The following LRRTM4 variants were observed in gnomAD, a reference collection of about 807,000 sequenced individuals.
LRRTM4 encodes the protein leucine rich repeat transmembrane neuronal 4, also known as leucine-rich repeat transmembrane neuronal protein 4.
A neutral mutation model predicts 47.6 loss-of-function variants in LRRTM4; 25 were observed. That is an observed-to-expected ratio of 0.53 (90% CI 0.38 to 0.73). The LOEUF (loss-of-function observed/expected upper bound fraction) is 0.73, where lower values mean the gene tolerates loss of function less well. Among genes scored for constraint, LRRTM4 ranks in the 30% least tolerant of loss-of-function variants. LRRTM4 has a pLI of 0.00. For synonymous variants in LRRTM4, 311 were observed against 269.5 expected, an observed-to-expected ratio of 1.15 and a Z score of -1.51; for missense variants, 638 against 713.4, an observed-to-expected ratio of 0.89 and a Z score of 1.20.
chr2:76,750,290 A>G (rs1413365374), intron 3 of LRRTM4, among the ~76,000 whole-genome samples: 1 of 152,316 alleles, frequency 6.6e-6, no homozygotes, highest in East Asian at 1.9e-4. Context: ...CTAGCACCAG[A>G]GAGATTTGAG....
chr2:77,452,973 T>A (rs1324017037), intron 3 of LRRTM4, among the ~76,000 whole-genome samples: 2 of 152,082 alleles, frequency 1.3e-5, no homozygotes, highest in African/African-American at 4.8e-5. Flanking sequence ...TGACCTTATA[T>A]ATAAACTTAT....
intron 3 of LRRTM4, among the ~76,000 whole-genome samples, chr2:77,161,562 CT>C (rs1245409633): frequency 6.6e-6 from 1 of 152,062 alleles, no homozygotes; most frequent in Non-Finnish European, 1.5e-5. Flanking sequence ...GCTTTTCTTC[CT>C]TAATAATAAA....
chr2:77,163,087 T>C (rs1000484292), intron 3 of LRRTM4, among the ~76,000 whole-genome samples: 2 of 152,080 alleles, frequency 1.3e-5, no homozygotes, highest in African/African-American at 4.8e-5. Context: ...TGAAAAAAGA[T>C]TAGACAAATG....
intron 3 of LRRTM4, among the ~76,000 whole-genome samples, chr2:77,331,161 T>C (rs962511777): frequency 2.6e-5 from 4 of 152,184 alleles, no homozygotes; most frequent in Non-Finnish European, 5.9e-5. Context: ...TTGTTTCTTC[T>C]TATTCTATTT....
intron 3 of LRRTM4, among the ~76,000 whole-genome samples, chr2:77,121,235 T>C (rs1671513672): frequency 6.6e-6 from 1 of 151,738 alleles, no homozygotes; most frequent in South Asian, 2.1e-4. Flanking sequence ...AGAGTAAATA[T>C]CTGGATTTGA....
chr2:77,175,416 C>T (rs1170727466), intron 3 of LRRTM4, among the ~76,000 whole-genome samples: 3 of 152,106 alleles, frequency 2.0e-5, no homozygotes, highest in Non-Finnish European at 4.4e-5. Context: ...GGCATAAAAT[C>T]CCTCTTGGCT....
At chr2:77,010,648 C>T (rs1027283168) in intron 3 of LRRTM4, among the ~76,000 whole-genome samples, 1 of 151,970 alleles carries the variant, frequency 6.6e-6, no homozygotes, top group African/African-American at 2.4e-5. Flanking sequence ...ATCTCTTTGA[C>T]ATTCTGATTT....
chr2:77,321,168 T>G (rs1482315210), intron 3 of LRRTM4, among the ~76,000 whole-genome samples: 1 of 152,186 alleles, frequency 6.6e-6, no homozygotes, highest in Admixed American at 6.5e-5. Context: ...TTTCAATCTT[T>G]CTGTCCTCAG....
intron 3 of LRRTM4, among the ~76,000 whole-genome samples, chr2:77,048,269 G>T (rs954813576): frequency 6.6e-6 from 1 of 152,022 alleles, no homozygotes; most frequent in East Asian, 1.9e-4. Context: ...AGAATGGTCA[G>T]CTGAAGTATT....
At chr2:76,884,953 G>A (rs1457430990) in intron 3 of LRRTM4, among the ~76,000 whole-genome samples, 1 of 151,842 alleles carries the variant, frequency 6.6e-6, no homozygotes. Context: ...TTAATGATCT[G>A]AAAAAAAGCT....
chr2:76,755,094 A>G (rs1672981384), intron 3 of LRRTM4, among the ~76,000 whole-genome samples: 1 of 152,176 alleles, frequency 6.6e-6, no homozygotes, highest in Non-Finnish European at 1.5e-5. Context: ...ACCAAAAAGG[A>G]CTATATCATG....
At chr2:77,275,945 C>T (rs1676335488) in intron 3 of LRRTM4, among the ~76,000 whole-genome samples, 1 of 151,782 alleles carries the variant, frequency 6.6e-6, no homozygotes, top group East Asian at 1.9e-4. Flanking sequence ...GATGACAATC[C>T]CTTTCCTGTT....
chr2:76,881,581 A>G (rs922193661), intron 3 of LRRTM4, among the ~76,000 whole-genome samples: 2 of 150,934 alleles, frequency 1.3e-5, no homozygotes, highest in Non-Finnish European at 2.9e-5. Flanking sequence ...TGGTAATCTT[A>G]ACAGTCTGTT....
chr2:77,224,601 A>T (rs1475907416), intron 3 of LRRTM4, among the ~76,000 whole-genome samples: 2 of 152,258 alleles, frequency 1.3e-5, no homozygotes, highest in African/African-American at 2.4e-5. Context: ...GCCAAAAAAC[A>T]CATAAAAAAA....
chr2:77,411,370 ATTTC>A lies in LRRTM4; in HGVS notation c.1551+106944_1551+106947del, dbSNP rs1302376606. On this transcript the variant is annotated intron_variant, in intron 3 of 3. Transcript: ENST00000409884. ...CAAGTATTGGATGCCGGGGTCTTCG[ATTTC>A]TTTCTTTCTTTCTCTCTTTCTTTCT... Among the ~76,000 whole-genome samples, 7 of 146,846 alleles carry A rather than the reference ATTTC, an allele frequency of 4.8e-5. 1 individual carries two copies. The South Asian group carries it at 6.5e-4, about 14-fold the overall frequency.
intron 3 of LRRTM4, among the ~76,000 whole-genome samples, chr2:76,802,535 T>C (rs1367947370): frequency 6.6e-6 from 1 of 152,072 alleles, no homozygotes; most frequent in African/African-American, 2.4e-5. Flanking sequence ...GAAAAATGTC[T>C]ATACTACTAC....
intron 3 of LRRTM4, among the ~76,000 whole-genome samples, chr2:77,033,655 G>A (rs2104149120): frequency 6.6e-6 from 1 of 152,006 alleles, no homozygotes; most frequent in Non-Finnish European, 1.5e-5. Flanking sequence ...AGTGAAGGGT[G>A]ATAATAATCT....
intron 3 of LRRTM4, among the ~76,000 whole-genome samples, chr2:76,977,854 G>A (rs188941665): frequency 1.3e-5 from 2 of 152,116 alleles, no homozygotes; most frequent in East Asian, 1.9e-4. Flanking sequence ...ACGGATTAGG[G>A]CATAAACTTC....
intron 3 of LRRTM4, among the ~76,000 whole-genome samples, chr2:77,076,575 G>A (rs1478139365): frequency 6.6e-6 from 1 of 152,092 alleles, no homozygotes; most frequent in Non-Finnish European, 1.5e-5. Flanking sequence ...ATCTTGTTAT[G>A]TTTCTTCGGG....
Sources: allele counts gnomAD v4.1 joint callset (sites outside exome capture counted in the v4.1 genomes callset), GRCh38; gene constraint gnomAD v4.1.1; transcripts MANE v1.5; gene names NCBI Gene and HGNC (gene_info 2026-07-23, HGNC 2026-07-21).